Variants in THSD7A observed in about 807,000 individuals in gnomAD.
The protein encoded by THSD7A is thrombospondin type-1 domain-containing protein 7A.
In THSD7A, 96 loss-of-function variants were observed where a neutral mutation model predicts 231.3. That is an observed-to-expected ratio of 0.41 (90% CI 0.35 to 0.49). The LOEUF (loss-of-function observed/expected upper bound fraction) is 0.49, where lower values mean the gene tolerates loss of function less well. THSD7A is among the 20% of genes least tolerant of loss of function. The pLI is 0.05. For missense variants in THSD7A, 2,290 were observed against 2,070.2 expected (o/e 1.11, Z -2.06); for synonymous variants, 940 against 743.3 (o/e 1.26, Z -4.30).
intron 4 of THSD7A, among the ~76,000 whole-genome samples, chr7:11,558,691 A>C (rs1327562074): frequency 1.3e-5 from 2 of 152,160 alleles, no homozygotes; most frequent in African/African-American, 2.4e-5. Flanking sequence ...TTTCAGAGAG[A>C]ATAGTGGTCA....
chr7:11,606,261 G>A (rs1232870999), intron 2 of THSD7A, among the ~76,000 whole-genome samples: 1 of 152,146 alleles, frequency 6.6e-6, no homozygotes, highest in Admixed American at 6.6e-5. Flanking sequence ...CATGTGGCAT[G>A]AGCTACATAA....
At chr7:11,735,508 A>C (rs1781885756) in intron 1 of THSD7A, among the ~76,000 whole-genome samples, 1 of 151,934 alleles carries the variant, frequency 6.6e-6, no homozygotes, top group Non-Finnish European at 1.5e-5. Context: ...ATGAAACATA[A>C]ATAATTTTTA....
At chr7:11,429,332 C>G (rs1784412365) in intron 13 of THSD7A, among the ~76,000 whole-genome samples, 1 of 152,202 alleles carries the variant, frequency 6.6e-6, no homozygotes, top group Non-Finnish European at 1.5e-5. Context: ...AACAGTTGAG[C>G]AGCTGCCATG....
At chr7:11,628,317 T>G (rs914390983) in intron 2 of THSD7A, among the ~76,000 whole-genome samples, 1 of 152,156 alleles carries the variant, frequency 6.6e-6, no homozygotes, top group African/African-American at 2.4e-5. Context: ...TAATCTAACC[T>G]CCAGAGGTGA....
At chr7:11,496,056 C>T (rs1583848960) in intron 6 of THSD7A, among the ~76,000 whole-genome samples, 2 of 152,216 alleles carry the variant, frequency 1.3e-5, no homozygotes, top group East Asian at 1.9e-4. Flanking sequence ...AAATGCTATG[C>T]TTATATGTGA....
chr7:11,376,511 T>C, intron 27 of THSD7A, 59 bp downstream of exon 27: 1 of 1,274,746 alleles, frequency 7.8e-7, no homozygotes, highest in Non-Finnish European at 1.1e-6. Flanking sequence ...GACATTAGTT[T>C]GCTGTTTCTG....
intron 2 of THSD7A, among the ~76,000 whole-genome samples, chr7:11,615,303 G>A (rs1203396654): frequency 6.6e-6 from 1 of 152,158 alleles, no homozygotes; most frequent in East Asian, 1.9e-4. Context: ...TGCAGCTTCT[G>A]GTTCTAAAGA....
At chr7:11,739,574 T>C (rs547106269) in intron 1 of THSD7A, among the ~76,000 whole-genome samples, 1 of 151,746 alleles carries the variant, frequency 6.6e-6, no homozygotes, top group African/African-American at 2.4e-5. Flanking sequence ...TCTTTAAAAT[T>C]TTTTTTTAAA....
chr7:11,532,330 T>G (rs957772787), intron 6 of THSD7A, among the ~76,000 whole-genome samples: 1 of 152,110 alleles, frequency 6.6e-6, no homozygotes, highest in Admixed American at 6.6e-5. Flanking sequence ...TTGGGGTAAT[T>G]TGTTATGTAG....
At chr7:11,813,919 G>A (rs1784605341) in intron 1 of THSD7A, among the ~76,000 whole-genome samples, 1 of 152,000 alleles carries the variant, frequency 6.6e-6, no homozygotes, top group Non-Finnish European at 1.5e-5. Flanking sequence ...CAAAAGGTAG[G>A]AACAACCCAA....
chr7:11,608,361 G>T (rs1321144654), intron 2 of THSD7A, among the ~76,000 whole-genome samples: 1 of 152,080 alleles, frequency 6.6e-6, no homozygotes, highest in African/African-American at 2.4e-5. Flanking sequence ...GAATTACCAA[G>T]TACCAATTTA....
intron 17 of THSD7A, among the ~76,000 whole-genome samples, chr7:11,414,698 G>T (rs1210648624): frequency 2.6e-5 from 4 of 152,188 alleles, no homozygotes; most frequent in African/African-American, 9.6e-5. Flanking sequence ...TCTAAGAACA[G>T]TAAGAAACCA....
At chr7:11,719,454 T>G (rs181013000) in intron 1 of THSD7A, among the ~76,000 whole-genome samples, 31 of 151,738 alleles carry the variant, frequency 2.0e-4, no homozygotes, top group Non-Finnish European at 4.0e-4. Flanking sequence ...TGTGATCATT[T>G]TTTCAATTTC....
chr7:11,678,947 C>T (rs769418501), intron 1 of THSD7A, among the ~76,000 whole-genome samples: 36 of 152,266 alleles, frequency 2.4e-4, no homozygotes, highest in Non-Finnish European at 3.5e-4. Context: ...CAAAACTCCT[C>T]GATAAAATTC....
intron 1 of THSD7A, among the ~76,000 whole-genome samples, chr7:11,721,386 T>G (rs997055888): frequency 6.6e-5 from 10 of 151,792 alleles, no homozygotes; most frequent in Admixed American, 2.0e-4. Context: ...TTTAAAGGTG[T>G]GTAGCATCTC....
At chr7:11,468,623 CAGG>C in intron 9 of THSD7A, among the ~76,000 whole-genome samples, 1 of 152,162 alleles carries the variant, frequency 6.6e-6, no homozygotes, top group African/African-American at 2.4e-5. Context: ...CACTTGAGGC[CAGG>C]AGTTCTAGAC....
At chr7:11,648,164 G>C (rs923138860) in intron 1 of THSD7A, among the ~76,000 whole-genome samples, 2 of 152,064 alleles carry the variant, frequency 1.3e-5, no homozygotes, top group African/African-American at 4.8e-5. Context: ...TTGGTAAACA[G>C]TGAAAAACTA....
chr7:11,687,818 G>A (rs1049353943), intron 1 of THSD7A, among the ~76,000 whole-genome samples: 43 of 151,894 alleles, frequency 2.8e-4, no homozygotes, highest in African/African-American at 9.2e-4. Flanking sequence ...GTAGCTCAGC[G>A]GGAGAGCTTC....
chr7:11,745,781 T>C (rs987961158), intron 1 of THSD7A, among the ~76,000 whole-genome samples: 9 of 152,232 alleles, frequency 5.9e-5, no homozygotes, highest in Middle Eastern at 3.4e-3. Context: ...TTCTGAGGGC[T>C]CTGTTCTGTT....
Sources: gnomAD v4.1 joint callset for allele counts (sites outside exome capture counted in the v4.1 genomes callset) on GRCh38, gnomAD v4.1.1 for gene constraint, MANE v1.5 for transcripts, NCBI Gene and HGNC (gene_info 2026-07-23, HGNC 2026-07-21) for gene names.